Variants in CACNA2D3 observed in about 807,000 individuals in gnomAD.
CACNA2D3 encodes calcium voltage-gated channel auxiliary subunit alpha2delta 3, also known as voltage-dependent calcium channel subunit alpha-2/delta-3.
In CACNA2D3, 60 loss-of-function variants were observed where a neutral mutation model predicts 160.6. The ratio of observed to expected loss-of-function variants is 0.37; its 90% CI spans 0.30 to 0.46. The LOEUF is 0.46. Ranked by LOEUF, CACNA2D3 falls within the 20% of genes least tolerant of loss-of-function variation. CACNA2D3 has a pLI of 1.00. For missense variants in CACNA2D3, 1,205 were observed against 1,365.0 expected (o/e 0.88, Z 1.85); for synonymous variants, 558 against 492.9 (o/e 1.13, Z -1.75).
chr3:54,934,254 C>T (rs1279242658), intron 27 of CACNA2D3, among the ~76,000 whole-genome samples: 1 of 152,150 alleles, frequency 6.6e-6, no homozygotes, highest in East Asian at 1.9e-4. Flanking sequence ...TTACACAACC[C>T]ATTCTTTTGA....
intron 17 of CACNA2D3, among the ~76,000 whole-genome samples, chr3:54,851,069 G>A (rs1439510229): frequency 6.6e-6 from 1 of 152,224 alleles, no homozygotes; most frequent in Non-Finnish European, 1.5e-5. Flanking sequence ...AGTAACTGTG[G>A]ACAGTAGAGA....
chr3:54,530,286 A>C (rs1701786845), intron 5 of CACNA2D3, among the ~76,000 whole-genome samples: 1 of 152,024 alleles, frequency 6.6e-6, no homozygotes, highest in Non-Finnish European at 1.5e-5. Flanking sequence ...CTGCTGGTGG[A>C]GCTCTCCTGG....
intron 11 of CACNA2D3, among the ~76,000 whole-genome samples, chr3:54,677,013 AATG>A: frequency 6.6e-6 from 1 of 152,314 alleles, no homozygotes; most frequent in South Asian, 2.1e-4. Flanking sequence ...TTTAAACTCA[AATG>A]ATGTGTGGCA....
intron 2 of CACNA2D3, among the ~76,000 whole-genome samples, chr3:54,275,310 G>A (rs1470458963): frequency 6.6e-6 from 1 of 152,082 alleles, no homozygotes; most frequent in Non-Finnish European, 1.5e-5. Context: ...CCCTCCCCTA[G>A]GCAGGGAGTA....
intron 13 of CACNA2D3, among the ~76,000 whole-genome samples, chr3:54,769,415 T>C (rs1702279195): frequency 6.6e-6 from 1 of 152,186 alleles, no homozygotes; most frequent in South Asian, 2.1e-4. Context: ...TGGATTTTTT[T>C]TTAAGCATAT....
chr3:54,808,591 G>A (rs562635424), intron 13 of CACNA2D3, among the ~76,000 whole-genome samples: 13 of 152,290 alleles, frequency 8.5e-5, no homozygotes, highest in African/African-American at 3.1e-4. Context: ...GCTTGGGTCT[G>A]GGTAATGTCC....
At chr3:55,061,310 C>T (rs59237422) in intron 35 of CACNA2D3, among the ~76,000 whole-genome samples, 4,150 of 152,256 alleles carry the variant, frequency 0.027, 201 homozygotes, top group African/African-American at 0.094. Context: ...ACTGGTGAAA[C>T]GGAGCAGAAG....
intron 27 of CACNA2D3, among the ~76,000 whole-genome samples, chr3:54,956,670 A>G (rs1011721326): frequency 1.3e-5 from 2 of 152,126 alleles, no homozygotes; most frequent in Non-Finnish European, 2.9e-5. Flanking sequence ...CAGATTAGGT[A>G]ATTTGTTCTC....
chr3:54,803,759 T>A (rs1164745151), intron 13 of CACNA2D3, among the ~76,000 whole-genome samples: 2 of 152,078 alleles, frequency 1.3e-5, no homozygotes, highest in Non-Finnish European at 2.9e-5. Context: ...ATTGTCAGAT[T>A]CACCAAAGTG....
intron 2 of CACNA2D3, among the ~76,000 whole-genome samples, chr3:54,236,223 G>A (rs1701873822): frequency 6.6e-6 from 1 of 152,178 alleles, no homozygotes; most frequent in Non-Finnish European, 1.5e-5. Context: ...ACAATTAAGT[G>A]TAATGTGATA....
chr3:54,421,075 T>C (rs996312534), intron 4 of CACNA2D3, among the ~76,000 whole-genome samples: 3 of 152,194 alleles, frequency 2.0e-5, no homozygotes, highest in Non-Finnish European at 2.9e-5. Context: ...CCCTCTACAA[T>C]ATCCATGATG....
At chr3:54,198,093 CT>C (rs974042123) in intron 2 of CACNA2D3, among the ~76,000 whole-genome samples, 2 of 152,182 alleles carry the variant, frequency 1.3e-5, no homozygotes, top group African/African-American at 4.8e-5. Context: ...TCAGACTTTT[CT>C]TTTTTTCACC....
intron 10 of CACNA2D3, among the ~76,000 whole-genome samples, chr3:54,629,368 C>T (rs1453779071): frequency 6.6e-6 from 1 of 152,136 alleles, no homozygotes; most frequent in East Asian, 1.9e-4. Flanking sequence ...GCTATACTGG[C>T]CTCTCAAGAA....
At chr3:54,883,829 T>TCTCTCTCTCTCTCTCTCTCTCTCTCTCC (rs753661413) in intron 21 of CACNA2D3, among the ~76,000 whole-genome samples, 5 of 145,794 alleles carry the variant, frequency 3.4e-5, no homozygotes, top group African/African-American at 1.3e-4. Context: ...CTCTCCTCTC[T>TCTCTCTCTCTCTCTCTCTCTCTCTCTCC]CTCCCTTCAA....
At chr3:54,544,640 CTCTCA>C (rs1412617834) in intron 5 of CACNA2D3, among the ~76,000 whole-genome samples, 3 of 152,064 alleles carry the variant, frequency 2.0e-5, no homozygotes, top group Non-Finnish European at 4.4e-5. Context: ...TCAAGCGATC[CTCTCA>C]TCTCAGCCTC....
chr3:54,812,625 G>A (rs1249417621), intron 13 of CACNA2D3, among the ~76,000 whole-genome samples: 1 of 152,136 alleles, frequency 6.6e-6, no homozygotes, highest in Non-Finnish European at 1.5e-5. Context: ...TCTCATCCCT[G>A]CTTTCTCTTC....
intron 29 of CACNA2D3, among the ~76,000 whole-genome samples, chr3:54,976,481 A>T (rs888713502): frequency 6.6e-6 from 1 of 152,084 alleles, no homozygotes; most frequent in South Asian, 2.1e-4. Context: ...TTAAAGTATA[A>T]TAATAATAAT....
chr3:54,368,312 A>G (rs1698861081), intron 3 of CACNA2D3, among the ~76,000 whole-genome samples: 1 of 152,144 alleles, frequency 6.6e-6, no homozygotes. Flanking sequence ...ACAAAAACAA[A>G]CAAACAAACA....
chr3:54,455,742 T>C lies in CACNA2D3; in HGVS notation c.382-47750T>C, dbSNP rs1162012402. Among the ~76,000 whole-genome samples, 3 of 152,116 alleles carry C rather than the reference T, an allele frequency of 2.0e-5. No homozygotes were observed. In the East Asian group the frequency reaches 5.8e-4, roughly 29 times the overall value. On this transcript the variant is annotated intron_variant, in intron 4 of 37. Coordinates refer to ENST00000474759, the MANE Select transcript of CACNA2D3 (RefSeq NM_018398.3). ...AAGTCTTTAATTCATTTTGAGTTGA[T>C]TTTTTTCTATGTGGTGAGAGATATG...
Sources: gnomAD v4.1 joint callset for allele counts (sites outside exome capture counted in the v4.1 genomes callset) on GRCh38, gnomAD v4.1.1 for gene constraint, MANE v1.5 for transcripts, NCBI Gene and HGNC (gene_info 2026-07-23, HGNC 2026-07-21) for gene names.